The following ARHGAP26 variants were observed in gnomAD, a reference collection of about 807,000 sequenced individuals.
The protein encoded by ARHGAP26 is rho GTPase-activating protein 26.
In ARHGAP26, 38 loss-of-function variants were observed where a neutral mutation model predicts 104.8. That is an observed-to-expected ratio of 0.36 (90% CI 0.28 to 0.48). ARHGAP26 has a LOEUF of 0.48. Among genes scored for constraint, ARHGAP26 ranks in the 20% least tolerant of loss-of-function variants. ARHGAP26 has a pLI of 0.99. For synonymous variants in ARHGAP26, 341 were observed against 340.0 expected (o/e 1.00, Z -0.03); for missense variants, 704 against 947.9 (o/e 0.74, Z 3.38).
chr5:142,802,131 A>C (rs951423407), intron 1 of ARHGAP26, among the ~76,000 whole-genome samples: 5 of 152,234 alleles, frequency 3.3e-5, no homozygotes, highest in African/African-American at 1.2e-4. Flanking sequence ...ATATCCAGAT[A>C]ATTTTCTTTT....
chr5:143,040,682 G>A (rs532860958), intron 13 of ARHGAP26, among the ~76,000 whole-genome samples: 12 of 152,338 alleles, frequency 7.9e-5, no homozygotes, highest in Non-Finnish European at 8.8e-5. Flanking sequence ...AGATTGAAGC[G>A]GTTGCATTTA....
chr5:143,177,501 A>C (rs1431160569), intron 20 of ARHGAP26, among the ~76,000 whole-genome samples: 4 of 152,210 alleles, frequency 2.6e-5, no homozygotes, highest in Non-Finnish European at 4.4e-5. Flanking sequence ...AGTAGCAGAC[A>C]CGTACATGTA....
chr5:143,160,792 G>A (rs969608033), intron 20 of ARHGAP26, among the ~76,000 whole-genome samples: 1 of 152,120 alleles, frequency 6.6e-6, no homozygotes, highest in Non-Finnish European at 1.5e-5. Flanking sequence ...TATATTTTAA[G>A]TGAAAATGAA....
rs1811429475 is a variant in ARHGAP26, at chr5:143,223,494, G to A, written c.*1048G>A. ...GGTAAGATGCTGCCTCCCAATGGGT[G>A]ATGCCATCTGACTGGTTTCCCCATG... On this transcript the variant is annotated 3_prime_UTR_variant, in exon 23 of 23. Transcript: ENST00000645722. The A allele has an allele frequency of 4.3e-6, 1 of 231,840 alleles. No individual in the cohort carries two copies. Among genetic ancestry groups the A allele is most frequent in the South Asian group, 1.8e-4 (1 of 5,520 alleles). 14.4% of individuals were successfully genotyped at this position (231,840 alleles called of 1,614,324 possible).
chr5:143,093,506 C>G (rs541001759), intron 17 of ARHGAP26, among the ~76,000 whole-genome samples: 1 of 150,852 alleles, frequency 6.6e-6, no homozygotes, highest in East Asian at 2.0e-4. Context: ...ATCTCTCTCT[C>G]TTTCTTTCTC....
chr5:142,794,719 T>C (rs538074186), intron 1 of ARHGAP26, among the ~76,000 whole-genome samples: 1 of 152,212 alleles, frequency 6.6e-6, no homozygotes, highest in South Asian at 2.1e-4. Context: ...ACTGCCCCTG[T>C]TGGGACAGAT....
intron 12 of ARHGAP26, among the ~76,000 whole-genome samples, chr5:143,022,483 G>A (rs1780493212): frequency 6.6e-6 from 1 of 152,188 alleles, no homozygotes; most frequent in African/African-American, 2.4e-5. Context: ...CTCCGCTATG[G>A]TAGTGTGAAA....
intron 22 of ARHGAP26, 73 bp from the exon 23 acceptor site, chr5:143,222,275 ACACACACACC>A: frequency 1.6e-6 from 1 of 622,794 alleles, no homozygotes; most frequent in Non-Finnish European, 2.5e-6. Context: ...ACACACACAC[ACACACACACC>A]CCACACACAC....
At chr5:142,776,214 C>T (rs928865027) in intron 1 of ARHGAP26, among the ~76,000 whole-genome samples, 1 of 152,144 alleles carries the variant, frequency 6.6e-6, no homozygotes, top group Non-Finnish European at 1.5e-5. Flanking sequence ...CTCAGGTGAT[C>T]CTCCCGTCTT....
At chr5:143,016,844 G>C (rs548555022) in intron 12 of ARHGAP26, among the ~76,000 whole-genome samples, 10 of 152,034 alleles carry the variant, frequency 6.6e-5, no homozygotes, top group African/African-American at 2.4e-4. Context: ...TTTGAGTTTG[G>C]ACCCTTTCCC....
intron 11 of ARHGAP26, among the ~76,000 whole-genome samples, chr5:142,970,685 C>G (rs1195346404): frequency 6.6e-6 from 1 of 152,152 alleles, no homozygotes. Flanking sequence ...GGACTGTCAT[C>G]TGGGGAGGAA....
intron 11 of ARHGAP26, among the ~76,000 whole-genome samples, chr5:142,968,472 A>C (rs1288275695): frequency 6.6e-6 from 1 of 152,200 alleles, no homozygotes; most frequent in East Asian, 1.9e-4. Context: ...CAAATATTAG[A>C]TATGCTCACT....
At chr5:143,160,060 C>CT (rs200678768) in intron 20 of ARHGAP26, among the ~76,000 whole-genome samples, 15,225 of 133,966 alleles carry the variant, frequency 0.11, 986 homozygotes, top group Middle Eastern at 0.19. Flanking sequence ...AAAGATTTTT[C>CT]TTTTTTTTTT....
intron 1 of ARHGAP26, among the ~76,000 whole-genome samples, chr5:142,872,137 C>T (rs1343379569): frequency 6.6e-6 from 1 of 151,894 alleles, no homozygotes; most frequent in Non-Finnish European, 1.5e-5. Context: ...ACTCCCACCG[C>T]CCCCCACATT....
At chr5:143,173,839 C>T (rs1803120543) in intron 20 of ARHGAP26, among the ~76,000 whole-genome samples, 2 of 152,152 alleles carry the variant, frequency 1.3e-5, no homozygotes, top group South Asian at 4.1e-4. Context: ...CTTCCCTATA[C>T]CTAAAAAATT....
At chr5:142,781,184 G>A (rs1380456291) in intron 1 of ARHGAP26, among the ~76,000 whole-genome samples, 1 of 152,178 alleles carries the variant, frequency 6.6e-6, no homozygotes, top group African/African-American at 2.4e-5. Flanking sequence ...AAGGCTTATC[G>A]AGCCCAAGGG....
chr5:143,055,528 T>C (rs1426057608), intron 15 of ARHGAP26, among the ~76,000 whole-genome samples: 1 of 152,216 alleles, frequency 6.6e-6, no homozygotes, highest in Non-Finnish European at 1.5e-5. Flanking sequence ...AGGTAAAATT[T>C]GTTTATATCA....
At chr5:143,041,922 C>T (rs769373123) in intron 14 of ARHGAP26, 32 bp downstream of exon 14, 2 of 1,556,432 alleles carry the variant, frequency 1.3e-6, no homozygotes, top group African/African-American at 1.4e-5. Context: ...CTAGGCAGGT[C>T]CCTGGATGGG....
chr5:143,129,884 G>A (rs575194781), intron 18 of ARHGAP26, among the ~76,000 whole-genome samples: 2 of 152,230 alleles, frequency 1.3e-5, no homozygotes, highest in South Asian at 2.1e-4. Flanking sequence ...CTTGCACAAG[G>A]GAAACAGACT....
Sources: gnomAD v4.1 joint callset for allele counts (sites outside exome capture counted in the v4.1 genomes callset) on GRCh38, gnomAD v4.1.1 for gene constraint, MANE v1.5 for transcripts, NCBI Gene and HGNC (gene_info 2026-07-23, HGNC 2026-07-21) for gene names.